Variants in LCORL observed in about 807,000 individuals in gnomAD.
LCORL encodes the protein ligand dependent nuclear receptor corepressor like.
LCORL carries 41 observed loss-of-function variants against 141.8 expected under a neutral mutation model. The ratio of observed to expected loss-of-function variants is 0.29; its 90% CI spans 0.23 to 0.38. LCORL has a LOEUF of 0.38. Among genes scored for constraint, LCORL ranks in the 10% least tolerant of loss-of-function variants. The pLI is 1.00. For missense variants in LCORL, 1,759 were observed against 2,035.0 expected, an observed-to-expected ratio of 0.86 and a Z score of 2.61; for synonymous variants, 618 against 694.1, an observed-to-expected ratio of 0.89 and a Z score of 1.72.
chr4:17,879,671 G>A (rs1300848689), intron 6 of LCORL, among the ~76,000 whole-genome samples: 1 of 150,816 alleles, frequency 6.6e-6, no homozygotes, highest in Admixed American at 6.6e-5. Context: ...AGGAAGAAAT[G>A]GTTAACTACC....
At chr4:17,937,019 T>C (rs1310541339) in intron 4 of LCORL, among the ~76,000 whole-genome samples, 2 of 152,214 alleles carry the variant, frequency 1.3e-5, no homozygotes, top group Non-Finnish European at 2.9e-5. Flanking sequence ...TTATAATCTA[T>C]GTAATTTACA....
chr4:17,856,387 G>A (rs1454543815), intron 7 of LCORL, among the ~76,000 whole-genome samples: 2 of 152,130 alleles, frequency 1.3e-5, no homozygotes, highest in African/African-American at 2.4e-5. Flanking sequence ...GGGTACCAGA[G>A]GGTCCTCTCT....
At chr4:17,843,440 G>A in exon 8 of LCORL, 3 of 1,609,416 alleles carry the variant, frequency 1.9e-6, no homozygotes, top group Non-Finnish European at 2.5e-6. Flanking sequence ...GACGATGGAG[G>A]TGGAATCCTT....
chr4:17,910,620 T>TA (rs1380314350), intron 4 of LCORL, among the ~76,000 whole-genome samples: 1 of 152,118 alleles, frequency 6.6e-6, no homozygotes, highest in Non-Finnish European at 1.5e-5. Context: ...CATCTATCAT[T>TA]AGTTGGTCCA....
intron 7 of LCORL, among the ~76,000 whole-genome samples, chr4:17,864,474 T>C (rs1725400201): frequency 6.6e-6 from 1 of 152,048 alleles, no homozygotes; most frequent in Non-Finnish European, 1.5e-5. Flanking sequence ...AGTGGTGGGA[T>C]TACAGGCATG....
intron 1 of LCORL, among the ~76,000 whole-genome samples, chr4:18,010,731 C>G (rs575850417): frequency 6.6e-6 from 1 of 152,144 alleles, no homozygotes; most frequent in South Asian, 2.1e-4. Context: ...GGATTACAAA[C>G]GTGAGCCACC....
intron 7 of LCORL, among the ~76,000 whole-genome samples, chr4:17,864,594 G>C (rs1010611095): frequency 1.3e-5 from 2 of 152,156 alleles, no homozygotes; most frequent in East Asian, 1.9e-4. Flanking sequence ...GAGAAAAAAG[G>C]GTGGAACAAA....
At chr4:17,934,956 C>A (rs749390328) in intron 4 of LCORL, among the ~76,000 whole-genome samples, 4 of 152,002 alleles carry the variant, frequency 2.6e-5, no homozygotes, top group Admixed American at 6.6e-5. Context: ...AATCAGTTAC[C>A]CACTATGTAA....
At chr4:17,901,623 G>C (rs1007727361) in intron 5 of LCORL, among the ~76,000 whole-genome samples, 1 of 152,094 alleles carries the variant, frequency 6.6e-6, no homozygotes, top group Non-Finnish European at 1.5e-5. Flanking sequence ...CAATATAGCT[G>C]TAAGTGTCAG....
chr4:17,989,121 A>G (rs1420776765), intron 1 of LCORL, among the ~76,000 whole-genome samples: 4 of 152,216 alleles, frequency 2.6e-5, no homozygotes, highest in African/African-American at 9.6e-5. Flanking sequence ...TTACACTTCT[A>G]TACAAATACC....
chr4:17,868,467 G>A (rs1725943260), intron 7 of LCORL, among the ~76,000 whole-genome samples: 1 of 152,120 alleles, frequency 6.6e-6, no homozygotes, highest in South Asian at 2.1e-4. Flanking sequence ...ACTCAGAGGT[G>A]TCCAGAGTCA....
At chr4:17,990,228 A>G (rs549777995) in intron 1 of LCORL, among the ~76,000 whole-genome samples, 15 of 148,716 alleles carry the variant, frequency 1.0e-4, no homozygotes, top group African/African-American at 3.7e-4. Context: ...CCTTCCGTGT[A>G]GCTGGGACTA....
chr4:17,994,788 T>A (rs1261264717), intron 1 of LCORL, among the ~76,000 whole-genome samples: 1 of 147,522 alleles, frequency 6.8e-6, no homozygotes, highest in Non-Finnish European at 1.5e-5. Flanking sequence ...AAAAAAAAAA[T>A]CACATAAATG....
chr4:17,940,901 A>G (rs1306886876), intron 4 of LCORL, among the ~76,000 whole-genome samples: 1 of 152,228 alleles, frequency 6.6e-6, no homozygotes, highest in African/African-American at 2.4e-5. Context: ...AAATTACAGC[A>G]GCAAAGTAGT....
intron 4 of LCORL, among the ~76,000 whole-genome samples, chr4:17,929,532 A>C (rs966821738): frequency 2.0e-5 from 3 of 152,216 alleles, no homozygotes; most frequent in African/African-American, 7.2e-5. Flanking sequence ...TAATCTTTTC[A>C]ACAAATTATG....
At chr4:17,982,099 C>CGT (rs57094203) in intron 1 of LCORL, among the ~76,000 whole-genome samples, 13,846 of 136,370 alleles carry the variant, frequency 0.1, 719 homozygotes, top group Admixed American at 0.15. Context: ...AGTATTCCAT[C>CGT]GTGTGTGTGT....
At chr4:17,958,443 G>A (rs1713115103) in intron 4 of LCORL, among the ~76,000 whole-genome samples, 1 of 151,862 alleles carries the variant, frequency 6.6e-6, no homozygotes, top group Non-Finnish European at 1.5e-5. Context: ...ACATCTTCCT[G>A]AATCATAAGC....
chr4:17,852,339 C>A (rs1723839528), intron 7 of LCORL, among the ~76,000 whole-genome samples: 1 of 151,828 alleles, frequency 6.6e-6, no homozygotes, highest in South Asian at 2.1e-4. Flanking sequence ...ACAATAATCA[C>A]AATAATAATG....
intron 7 of LCORL, among the ~76,000 whole-genome samples, chr4:17,851,313 T>A (rs973967652): frequency 5.3e-5 from 8 of 152,024 alleles, no homozygotes; most frequent in Non-Finnish European, 4.4e-5. Context: ...TGTCATATAA[T>A]GGAAAGAAGT....
Sources: allele counts gnomAD v4.1 joint callset (sites outside exome capture counted in the v4.1 genomes callset), GRCh38; gene constraint gnomAD v4.1.1; transcripts MANE v1.5; gene names NCBI Gene and HGNC (gene_info 2026-07-23, HGNC 2026-07-21).